The following PSMA6 variants were observed in gnomAD, a reference collection of about 807,000 sequenced individuals.
PSMA6 encodes proteasome subunit alpha type-6.
For synonymous variants in PSMA6, 88 were observed against 97.7 expected (o/e 0.90, Z 0.59); for missense variants, 170 against 294.8 (o/e 0.58, Z 3.10).
intron 4 of PSMA6, 173 bp from the exon 5 acceptor site, chr14:35,312,708 C>T (rs2051968280): frequency 6.2e-6 from 3 of 486,154 alleles, no homozygotes; most frequent in Non-Finnish European, 7.2e-6. Flanking sequence ...TACCTGTTAC[C>T]TAATTTACCT....
chr14:35,301,178 A>G (rs894022484), intron 1 of PSMA6, among the ~76,000 whole-genome samples: 12 of 152,148 alleles, frequency 7.9e-5, no homozygotes, highest in Non-Finnish European at 1.6e-4. Context: ...GAGAAGTAGG[A>G]GAGGAAGAGT....
At chr14:35,310,567 A>G (rs1053759315) in intron 3 of PSMA6, among the ~76,000 whole-genome samples, 173 bp from the exon 4 acceptor site, 3 of 152,138 alleles carry the variant, frequency 2.0e-5, no homozygotes, top group African/African-American at 7.2e-5. Context: ...TTTTTTTCAT[A>G]TACTTGTTGA....
chr14:35,313,002 C>T lies in PSMA6; in HGVS notation c.531C>T (p.Ser177=). ...AAGVKQTEST[S]FLEKKVKKKF... The stretch of plus-strand genomic sequence containing the variant: ...GAGTTAAACAAACTGAGTCAACCAG[C>T]TTCCTTGAAAAAAAAGTGAAGAAGA... Residue 177 remains serine, a synonymous_variant, in exon 5 of 7, where the codon AGC becomes AGT. Transcript: ENST00000261479. 1 of 1,578,262 alleles carries T rather than the reference C, an allele frequency of 6.3e-7. No homozygotes were observed. The highest frequency in any genetic ancestry group is 8.5e-7 in the Non-Finnish European group (1 of 1,169,908).
At chr14:35,298,351 G>A (rs1454361913) in intron 1 of PSMA6, among the ~76,000 whole-genome samples, 2 of 152,062 alleles carry the variant, frequency 1.3e-5, no homozygotes, top group Non-Finnish European at 2.9e-5. Context: ...TTAGCTGGGT[G>A]TGGTGGCGTG....
chr14:35,305,721 A>G (rs2051810708), intron 1 of PSMA6, among the ~76,000 whole-genome samples: 1 of 152,186 alleles, frequency 6.6e-6, no homozygotes, highest in Non-Finnish European at 1.5e-5. Flanking sequence ...GGGATTATGA[A>G]TAATTATTTA....
Position 35,283,383 on chromosome 14 carries a change from GAGAA to G in PSMA6, c.19+4669_19+4672del, listed in dbSNP as rs1421454863. On this transcript the variant is annotated intron_variant, in intron 1 of 6. Coordinates refer to the PSMA6 transcript ENST00000540871. ...CTCTACAAAAAAAAAAAAAAAGAGA[GAGAA>G]AGAGAAAAAATACTTGGAGGAAAAT... 1.0e-3 allele frequency among the ~76,000 whole-genome samples: 151 copies of G among 150,894 alleles called. 1 individual carries two copies. Among genetic ancestry groups the G allele is most frequent in the African/African-American group, 3.3e-3 (136 of 41,120 alleles).
intron 1 of PSMA6, among the ~76,000 whole-genome samples, chr14:35,305,681 CTGTTA>C (rs2051809675): frequency 1.4e-5 from 2 of 143,396 alleles, no homozygotes; most frequent in South Asian, 4.5e-4. Flanking sequence ...TTGAAATAAT[CTGTTA>C]TATGTCAAAA....
chr14:35,288,930 G>A (rs1374127572), upstream of PSMA6, among the ~76,000 whole-genome samples: 1 of 152,144 alleles, frequency 6.6e-6, no homozygotes, highest in Non-Finnish European at 1.5e-5. Flanking sequence ...ACACAAATTT[G>A]TAAACATTCT....
rs116724170 is a variant in PSMA6, at chr14:35,303,349, A to G, written c.77-4645A>G. On this transcript the variant is annotated intron_variant, in intron 1 of 6. Transcript: ENST00000261479. ...AGAGATTTGGGCAGTGTTTATATAT[A>G]GAAGTTGGGACTCTCACTCTCTAGT... 7.3e-3 allele frequency among the ~76,000 whole-genome samples: 1,110 copies of G among 152,256 alleles called. 17 individuals carry two copies. The highest frequency in any genetic ancestry group is 0.025 in the African/African-American group (1,052 of 41,548).
At chr14:35,291,780 G>A (rs978789447), upstream of PSMA6, among the ~76,000 whole-genome samples, 5 of 137,062 alleles carry the variant, frequency 3.6e-5, no homozygotes, top group African/African-American at 1.4e-4. Flanking sequence ...CCGAGATCGC[G>A]CCATTGCACT....
Position 35,317,273 on chromosome 14 carries a change from T to C in PSMA6, c.708T>C (p.Asp236=), listed in dbSNP as rs2052062009. Reference sequence around the variant, plus strand: ...GGATTCTTACAGAAGCAGAGATTGATGCTCACCTTGTTGCTCTAGCAGAGA... The same window carrying C: ...GGATTCTTACAGAAGCAGAGATTGACGCTCACCTTGTTGCTCTAGCAGAGA... ...KFRILTEAEI[D]AHLVALAERD Residue 236 remains aspartate, a synonymous_variant, in exon 7 of 7, where the codon GAT becomes GAC. Coordinates refer to ENST00000261479, the MANE Select transcript of PSMA6 (RefSeq NM_002791.3). 1 of 1,612,786 alleles carries C rather than the reference T, an allele frequency of 6.2e-7. No homozygotes were observed. The highest frequency in any genetic ancestry group is 8.5e-7 in the Non-Finnish European group (1 of 1,179,418).
intron 6 of PSMA6, chr14:35,316,578 A>G (rs2052049831): frequency 1.3e-5 from 2 of 151,808 alleles, no homozygotes; most frequent in African/African-American, 4.8e-5. Flanking sequence ...ATATAAATGT[A>G]TTTTGACGGC....
intron 1 of PSMA6, among the ~76,000 whole-genome samples, chr14:35,296,565 A>C (rs1275247262): frequency 1.3e-5 from 2 of 151,898 alleles, no homozygotes; most frequent in Non-Finnish European, 2.9e-5. Context: ...TCCTGACCTC[A>C]TGATCTGCCC....
At chr14:35,281,313 T>G (rs1445150692) in intron 1 of PSMA6, among the ~76,000 whole-genome samples, 2 of 152,188 alleles carry the variant, frequency 1.3e-5, no homozygotes, top group African/African-American at 4.8e-5. Flanking sequence ...ATTAATTTCC[T>G]GAAAGAGCTC....
intron 1 of PSMA6, among the ~76,000 whole-genome samples, chr14:35,294,276 C>CG (rs962405609): frequency 6.6e-6 from 1 of 152,062 alleles, no homozygotes; most frequent in African/African-American, 2.4e-5. Flanking sequence ...GGTGATCCAC[C>CG]CACCTCGGCC....
chr14:35,292,327 G>A (rs1323954626), upstream of PSMA6: 6 of 1,477,148 alleles, frequency 4.1e-6, no homozygotes, highest in African/African-American at 8.5e-5. Flanking sequence ...GCTCGAACTG[G>A]CTCCAGAGCC....
At chr14:35,287,636 C>A (rs557091347), upstream of PSMA6, among the ~76,000 whole-genome samples, 4 of 152,230 alleles carry the variant, frequency 2.6e-5, no homozygotes, top group South Asian at 8.3e-4. Context: ...AACGGAGGCC[C>A]CCAGGAGATT....
chr14:35,313,173 A>T (rs2051977602), intron 5 of PSMA6, 114 bp downstream of exon 5: 3 of 1,012,842 alleles, frequency 3.0e-6, no homozygotes, highest in Non-Finnish European at 4.1e-6. Context: ...CAAGTTGTCA[A>T]CTTAATAATG....
At chr14:35,284,643 C>T (rs749536121) in intron 1 of PSMA6, among the ~76,000 whole-genome samples, 15 of 152,076 alleles carry the variant, frequency 9.9e-5, no homozygotes, top group Non-Finnish European at 5.9e-5. Context: ...TGATTTTTAC[C>T]TCTAATGCCT....
Sources: allele counts gnomAD v4.1 joint callset (sites outside exome capture counted in the v4.1 genomes callset), GRCh38; gene constraint gnomAD v4.1.1; transcripts MANE v1.5; gene names NCBI Gene and HGNC (gene_info 2026-07-23, HGNC 2026-07-21).